Variants in SLC9A9 observed in about 807,000 individuals in gnomAD.
The protein encoded by SLC9A9 is solute carrier family 9 member A9, also known as sodium/hydrogen exchanger 9.
A neutral mutation model predicts 77.8 loss-of-function variants in SLC9A9; 62 were observed. That is an observed-to-expected ratio of 0.80 (90% CI 0.65 to 0.98). The LOEUF is 0.98. SLC9A9 is among the 50% of genes least tolerant of loss of function. The probability of loss-of-function intolerance (pLI) is 0.00; values close to 1 mark genes in which losing one functional copy is unlikely to be tolerated. For synonymous variants in SLC9A9, 320 were observed against 283.5 expected (o/e 1.13, Z -1.29); for missense variants, 775 against 774.9 (o/e 1.00, Z 0.00).
intron 4 of SLC9A9, among the ~76,000 whole-genome samples, chr3:143,758,964 C>T (rs1411022986): frequency 6.6e-6 from 1 of 151,960 alleles, no homozygotes; most frequent in Non-Finnish European, 1.5e-5. Context: ...GTATCAAAAC[C>T]AATATTTATT....
chr3:143,481,947 T>C (rs149573537), intron 11 of SLC9A9, among the ~76,000 whole-genome samples: 46 of 152,344 alleles, frequency 3.0e-4, no homozygotes, highest in Admixed American at 8.5e-4. Context: ...CTGGCTGTCA[T>C]TGATGTCTGC....
chr3:143,764,971 TTTCCTTCCTTCC>T (rs139347757), intron 4 of SLC9A9, among the ~76,000 whole-genome samples: 40 of 147,348 alleles, frequency 2.7e-4, no homozygotes, highest in African/African-American at 4.6e-4. Flanking sequence ...TTTCTCTTTC[TTTCCTTCCTTCC>T]TTCCTTCCTT....
Position 143,441,292 on chromosome 3 carries a change from G to C in SLC9A9, c.1469+25745C>G, listed in dbSNP as rs1466032344. ...TAACGGATATTCTAGGTACTCTCTG[G>C]AGCTTTAAAGGGAATTTCAGGCCAT... On this transcript the variant is annotated intron_variant, in intron 12 of 15. Coordinates refer to ENST00000316549, the MANE Select transcript of SLC9A9 (RefSeq NM_173653.4). Among the ~76,000 whole-genome samples the C allele has an allele frequency of 2.0e-5, 3 of 152,072 alleles. No homozygotes were observed. In the East Asian group the frequency reaches 5.8e-4, roughly 29 times the overall value.
chr3:143,431,590 C>T (rs1407534519), intron 12 of SLC9A9, among the ~76,000 whole-genome samples: 3 of 151,236 alleles, frequency 2.0e-5, no homozygotes, highest in Non-Finnish European at 4.4e-5. Flanking sequence ...TCAGGCCATT[C>T]TCCTGCCTCA....
chr3:143,398,406 C>T (rs775584356), intron 12 of SLC9A9, among the ~76,000 whole-genome samples: 1 of 151,970 alleles, frequency 6.6e-6, no homozygotes, highest in Non-Finnish European at 1.5e-5. Flanking sequence ...CACCATGAAG[C>T]GTGGAAGGCA....
chr3:143,704,995 A>ATATCTATCTATCTATC (rs61441328), intron 4 of SLC9A9, among the ~76,000 whole-genome samples: 119 of 116,036 alleles, frequency 1.0e-3, no homozygotes, highest in African/African-American at 1.6e-3. Flanking sequence ...TCCATCTCAA[A>ATATCTATCTATCTATC]TATCTATCTA....
chr3:143,583,030 G>A (rs1481802158), intron 6 of SLC9A9, among the ~76,000 whole-genome samples: 1 of 152,122 alleles, frequency 6.6e-6, no homozygotes, highest in East Asian at 1.9e-4. Flanking sequence ...GTACTTGCCT[G>A]TAGTCCCGGC....
chr3:143,791,947 G>T (rs547817522), intron 4 of SLC9A9, among the ~76,000 whole-genome samples: 1 of 152,024 alleles, frequency 6.6e-6, no homozygotes, highest in Non-Finnish European at 1.5e-5. Context: ...TCATTTTTTT[G>T]GTGCTAATAT....
At chr3:143,804,146 C>T (rs551639832) in intron 2 of SLC9A9, among the ~76,000 whole-genome samples, 57 of 152,256 alleles carry the variant, frequency 3.7e-4, no homozygotes, top group African/African-American at 1.3e-3. Context: ...CTCCAAAGCC[C>T]AACTACACAC....
intron 6 of SLC9A9, among the ~76,000 whole-genome samples, chr3:143,606,432 C>CTATATA (rs1287074508): frequency 4.0e-3 from 237 of 58,644 alleles, no homozygotes; most frequent in East Asian, 9.6e-3. Context: ...CTCTCTCTCT[C>CTATATA]TCTCTATATA....
chr3:143,328,077 A>T (rs1359756337), intron 14 of SLC9A9, among the ~76,000 whole-genome samples: 1 of 152,196 alleles, frequency 6.6e-6, no homozygotes, highest in Non-Finnish European at 1.5e-5. Flanking sequence ...TATAAATCAG[A>T]ATCTGAGTTT....
intron 14 of SLC9A9, among the ~76,000 whole-genome samples, chr3:143,354,417 C>T (rs928534774): frequency 5.3e-5 from 8 of 152,216 alleles, no homozygotes; most frequent in Admixed American, 3.9e-4. Context: ...AGGGAAGAGA[C>T]ATGTCTGCCC....
intron 4 of SLC9A9, among the ~76,000 whole-genome samples, chr3:143,784,019 A>G (rs989582481): frequency 4.6e-5 from 7 of 152,216 alleles, no homozygotes; most frequent in Admixed American, 2.0e-4. Context: ...ACTTCACACA[A>G]TTGCCACTGA....
chr3:143,434,896 A>G (rs2034592254), intron 12 of SLC9A9, among the ~76,000 whole-genome samples: 1 of 151,972 alleles, frequency 6.6e-6, no homozygotes, highest in Admixed American at 6.6e-5. Flanking sequence ...AATCAAGCTC[A>G]TGTGGTCCAC....
rs75948689 is a variant in SLC9A9 at position 143,727,772 on chromosome 3, C to A, written c.534-34465G>T. On this transcript the variant is annotated intron_variant, in intron 4 of 15. Transcript: ENST00000316549. ...TCATAGATGAAGAAAATGCTTTTGA[C>A]AATGACCCATCTATACTTGGGCTAT... is the stretch of plus-strand genomic sequence containing the variant. Among the ~76,000 whole-genome samples, 8 of 152,314 alleles carry A rather than the reference C, an allele frequency of 5.3e-5. No homozygotes were observed. The East Asian group carries it at 1.4e-3, about 26-fold the overall frequency.
intron 8 of SLC9A9, among the ~76,000 whole-genome samples, chr3:143,566,526 T>C (rs1472092276): frequency 6.6e-6 from 1 of 152,144 alleles, no homozygotes; most frequent in Middle Eastern, 3.2e-3. Context: ...CCCAGCCCCA[T>C]TACTTAATAA....
At chr3:143,551,852 G>A (rs1476756577) in intron 9 of SLC9A9, among the ~76,000 whole-genome samples, 1 of 152,184 alleles carries the variant, frequency 6.6e-6, no homozygotes, top group East Asian at 1.9e-4. Context: ...TGCAGCAAAT[G>A]TCTGTGGAAA....
At chr3:143,340,153 C>G (rs567858838) in intron 14 of SLC9A9, among the ~76,000 whole-genome samples, 9 of 152,140 alleles carry the variant, frequency 5.9e-5, no homozygotes, top group Non-Finnish European at 1.3e-4. Context: ...TTGTTGTCAG[C>G]CAACAAACTA....
chr3:143,708,316 G>C (rs1476689847), intron 4 of SLC9A9, among the ~76,000 whole-genome samples: 1 of 152,088 alleles, frequency 6.6e-6, no homozygotes, highest in African/African-American at 2.4e-5. Flanking sequence ...ACCCAGGGGA[G>C]AAGAATGAGA....
Sources: gnomAD v4.1 joint callset for allele counts (sites outside exome capture counted in the v4.1 genomes callset) on GRCh38, gnomAD v4.1.1 for gene constraint, MANE v1.5 for transcripts, NCBI Gene and HGNC (gene_info 2026-07-23, HGNC 2026-07-21) for gene names.